Variants in OR6B3 observed in about 807,000 individuals in gnomAD.
OR6B3 encodes the protein olfactory receptor family 6 subfamily B member 3, also known as olfactory receptor 6B3.
For synonymous variants in OR6B3, 148 were observed against 187.8 expected (o/e 0.79, Z 1.73); for missense variants, 315 against 427.4 (o/e 0.74, Z 2.32).
chr2:240,047,189 C>G (rs778943789), upstream of OR6B3, among the ~76,000 whole-genome samples: 1 of 152,020 alleles, frequency 6.6e-6, no homozygotes, highest in Non-Finnish European at 1.5e-5. Flanking sequence ...CAGAGAAGAC[C>G]CCTTCAGAAG....
At chr2:240,049,772 C>T (rs1013944184), upstream of OR6B3, among the ~76,000 whole-genome samples, 6 of 151,832 alleles carry the variant, frequency 4.0e-5, no homozygotes, top group African/African-American at 1.5e-4. Context: ...AGATTTAAAC[C>T]AGTTACTCTT....
At chr2:240,046,914 A>C (rs1405395767) in intron 1 of OR6B3, 38 bp downstream of exon 2, 1 of 152,230 alleles carries the variant, frequency 6.6e-6, no homozygotes, top group African/African-American at 2.4e-5. Flanking sequence ...GTTGAGATGG[A>C]AAGTCTGAGA....
the OR6B3 span, among the ~76,000 whole-genome samples, chr2:240,053,459 C>A: frequency 2.6e-5 from 4 of 152,154 alleles, no homozygotes; most frequent in Non-Finnish European, 5.9e-5. The surrounding 1 kb of genome is among the most constrained non-coding windows in gnomAD (Gnocchi z 4.1). Context: ...CCACTGCTTA[C>A]CTGATTGCAG....
In OR6B3 at chr2:240,045,253, TGAGCTTGTTG is replaced by T; in HGVS notation, c.810_819del (p.Asn271SerfsTer12). On this transcript the variant is annotated frameshift_variant, in exon 2 of 2. Coordinates refer to ENST00000641019, the Ensembl canonical transcript of OR6B3. LOFTEE classifies it low-confidence loss of function (END_TRUNC). ...GTGATAACTGTGTACAAAACAGAGATGAGCTTGTTGGAGCTCCGGGAATCAATGGCCTGGG... is the reference window on the plus strand; with the variant it reads ...GTGATAACTGTGTACAAAACAGAGATGAGCTCCGGGAATCAATGGCCTGGG... 1 of 1,614,222 alleles carries T rather than the reference TGAGCTTGTTG, an allele frequency of 6.2e-7. No homozygotes were observed.
Position 240,045,408 on chromosome 2 carries a change from G to T in OR6B3, c.665C>A (p.Thr222Asn), listed in dbSNP as rs1445677648. Residue 222 changes from threonine to asparagine, a missense_variant, in exon 2 of 2, where the codon ACC becomes AAC. Coordinates refer to ENST00000641019, the Ensembl canonical transcript of OR6B3. ...CGAGGGGATGCGCAGGACAGCCAGG[G>T]TGATGTGCGCATATGACAGCATGGT... is the stretch of plus-strand genomic sequence containing the variant. 10 of 1,614,024 alleles carry T rather than the reference G, an allele frequency of 6.2e-6. No individual in the cohort carries two copies. Among genetic ancestry groups the T allele is most frequent in the African/African-American group, 1.3e-5 (1 of 74,922 alleles).
At chr2:240,046,486 G>C (rs1698191113) in intron 1 of OR6B3, among the ~76,000 whole-genome samples, 1 of 152,170 alleles carries the variant, frequency 6.6e-6, no homozygotes, top group African/African-American at 2.4e-5. Context: ...TGGATGTATT[G>C]TTTGAGTCTG....
upstream of OR6B3, chr2:240,047,139 C>T (rs1698202889): frequency 6.6e-6 from 1 of 152,032 alleles, no homozygotes; most frequent in African/African-American, 2.4e-5. Context: ...GCAATGAAAA[C>T]AAAAAGTCAC....
At chr2:240,046,177 G>C (rs1368358568) in intron 1 of OR6B3, 80 bp from the exon 3 acceptor site, 7 of 1,026,758 alleles carry the variant, frequency 6.8e-6, no homozygotes, top group African/African-American at 1.6e-5. Flanking sequence ...CCTGGATAGG[G>C]AGTTTTGGTG....
exon 2 of OR6B3, chr2:240,045,199 G>A (rs1476858600): frequency 3.1e-6 from 5 of 1,614,070 alleles, no homozygotes; most frequent in Non-Finnish European, 3.4e-6. Flanking sequence ...TTATTCCTCA[G>A]GCAGTATATC....
exon 2 of OR6B3, chr2:240,045,938 G>A (rs1389232227): frequency 3.3e-6 from 5 of 1,530,674 alleles, no homozygotes; most frequent in Non-Finnish European, 4.5e-6. Flanking sequence ...CGGTGAGGAT[G>A]ATGGCCAGGT....
the OR6B3 span, among the ~76,000 whole-genome samples, chr2:240,053,001 C>T: frequency 6.6e-6 from 1 of 152,098 alleles, no homozygotes; most frequent in Non-Finnish European, 1.5e-5. The surrounding 1 kb of genome is among the most constrained non-coding windows in gnomAD (Gnocchi z 4.1). Flanking sequence ...CGGGATTTCG[C>T]CATGTTGGCC....
At chr2:240,052,758 T>C in the OR6B3 span, among the ~76,000 whole-genome samples, 2 of 152,236 alleles carry the variant, frequency 1.3e-5, no homozygotes, top group Admixed American at 1.3e-4. The surrounding 1 kb of genome is among the most constrained non-coding windows in gnomAD (Gnocchi z 4.5). Flanking sequence ...AGCCTGCTCG[T>C]TGATTTCCTT....
chr2:240,053,351 G>A, the OR6B3 span, among the ~76,000 whole-genome samples: 2 of 152,186 alleles, frequency 1.3e-5, no homozygotes, highest in Non-Finnish European at 2.9e-5. This position sits in a 1 kb window ranked among gnomAD's most constrained non-coding sequence, Gnocchi z 4.1. Flanking sequence ...AGGCAACACC[G>A]TTCAAGGTCC....
At chr2:240,047,835 A>T (rs1698213987), upstream of OR6B3, among the ~76,000 whole-genome samples, 1 of 152,234 alleles carries the variant, frequency 6.6e-6, no homozygotes, top group African/African-American at 2.4e-5. Context: ...TAAAAATGAC[A>T]AAAGTTTCAA....
chr2:240,044,928 A>G, downstream of OR6B3: 1 of 676,390 alleles, frequency 1.5e-6, no homozygotes, highest in Non-Finnish European at 2.5e-6. Flanking sequence ...ATCTACAAAA[A>G]CAAGAAAGTA....
chr2:240,050,086 A>G (rs1361201629), upstream of OR6B3, among the ~76,000 whole-genome samples: 3 of 152,030 alleles, frequency 2.0e-5, no homozygotes, highest in Non-Finnish European at 2.9e-5. Flanking sequence ...GGAGTAAAAA[A>G]AAAAAATCAG....
upstream of OR6B3, among the ~76,000 whole-genome samples, chr2:240,050,072 G>A (rs1244629714): frequency 2.3e-5 from 3 of 128,516 alleles, no homozygotes; most frequent in African/African-American, 1.0e-4. Context: ...CTACAACAAT[G>A]ACTGGAGTAA....
At chr2:240,052,053 T>C in the OR6B3 span, among the ~76,000 whole-genome samples, 14 of 152,338 alleles carry the variant, frequency 9.2e-5, no homozygotes, top group Admixed American at 2.6e-4. The surrounding 1 kb of genome is among the most constrained non-coding windows in gnomAD (Gnocchi z 4.5). Flanking sequence ...TATTTCCAGA[T>C]GGCAGGACTT....
At chr2:240,046,850 C>T (rs1364079973) in intron 1 of OR6B3, 102 bp downstream of exon 2, 1 of 152,210 alleles carries the variant, frequency 6.6e-6, no homozygotes, top group Non-Finnish European at 1.5e-5. Flanking sequence ...TTATATAAAA[C>T]ACATCCATTA....
Sources: gnomAD v4.1 joint callset for allele counts (sites outside exome capture counted in the v4.1 genomes callset) on GRCh38, gnomAD v4.1.1 for gene constraint, Gnocchi (gnomAD v3.1) non-coding constraint, MANE v1.5 for transcripts, NCBI Gene and HGNC (gene_info 2026-07-23, HGNC 2026-07-21) for gene names.